CPAMD8: variants seen among roughly 807,000 people sequenced by gnomAD.
The protein encoded by CPAMD8 is C3 and PZP-like alpha-2-macroglobulin domain-containing protein 8.
Under a neutral mutation model 224.7 loss-of-function variants are expected in CPAMD8, and 146 were observed. That is an observed-to-expected ratio of 0.65 (90% CI 0.57 to 0.75). The LOEUF (loss-of-function observed/expected upper bound fraction) is 0.75. Ranked by LOEUF, CPAMD8 falls within the 30% of genes least tolerant of loss-of-function variation. The pLI, the probability that CPAMD8 is intolerant of heterozygous loss-of-function variation, is 0.00. For missense variants in CPAMD8, 2,301 were observed against 2,537.5 expected, an observed-to-expected ratio of 0.91 and a Z score of 2.00; for synonymous variants, 966 against 1,044.6, an observed-to-expected ratio of 0.92 and a Z score of 1.45.
At chr19:16,971,543 C>G (rs1485403383) in intron 17 of CPAMD8, among the ~76,000 whole-genome samples, 2 of 152,050 alleles carry the variant, frequency 1.3e-5, no homozygotes, top group African/African-American at 4.8e-5. Context: ...ACAGGCAAAT[C>G]CATAGAGACA....
At chr19:16,991,572 G>A (rs1203096429) in intron 12 of CPAMD8, among the ~76,000 whole-genome samples, 1 of 152,006 alleles carries the variant, frequency 6.6e-6, no homozygotes, top group Non-Finnish European at 1.5e-5. Context: ...ACAGGACAGT[G>A]GGCCGGGTAC....
intron 19 of CPAMD8, among the ~76,000 whole-genome samples, chr19:16,955,034 A>C (rs946379567): frequency 1.3e-5 from 2 of 152,226 alleles, no homozygotes; most frequent in African/African-American, 4.8e-5. Flanking sequence ...AGGCTGAGGC[A>C]GGAGAATGGC....
At chr19:16,916,145 C>T (rs2052949396) in intron 27 of CPAMD8, among the ~76,000 whole-genome samples, 1 of 152,074 alleles carries the variant, frequency 6.6e-6, no homozygotes, top group African/African-American at 2.4e-5. Flanking sequence ...TCCCAAGTAG[C>T]TGGGACTACA....
At chr19:16,922,007 A>C (rs2053193586) in intron 26 of CPAMD8, 21 bp from the exon 27 acceptor site, 2 of 1,533,246 alleles carry the variant, frequency 1.3e-6, no homozygotes, top group Non-Finnish European at 1.8e-6. Context: ...AGCAGAGAGG[A>C]CCCTGTCCTG....
intron 3 of CPAMD8, among the ~76,000 whole-genome samples, chr19:17,017,259 G>A (rs766938246): frequency 6.6e-6 from 1 of 152,160 alleles, no homozygotes; most frequent in Non-Finnish European, 1.5e-5. Flanking sequence ...CTAGTTGAAG[G>A]AAAACAAGCT....
At chr19:16,962,847 G>A (rs2054701944) in intron 18 of CPAMD8, among the ~76,000 whole-genome samples, 1 of 152,150 alleles carries the variant, frequency 6.6e-6, no homozygotes, top group Non-Finnish European at 1.5e-5. Context: ...AGATCTCTTG[G>A]CAGAAACCCT....
At chr19:17,000,178 C>G in intron 10 of CPAMD8, 1 of 399,680 alleles carries the variant, frequency 2.5e-6, no homozygotes, top group Non-Finnish European at 4.4e-6. Flanking sequence ...GAAAGTAAAA[C>G]AGCGGTGGCT....
intron 29 of CPAMD8, chr19:16,907,803 C>T (rs1020005851): frequency 6.6e-6 from 1 of 152,182 alleles, no homozygotes; most frequent in Non-Finnish European, 1.5e-5. Flanking sequence ...GATGGAGTCT[C>T]ACTATGTTGC....
chr19:17,002,910 C>CTT lies in CPAMD8; in HGVS notation c.674-562_674-561dup, dbSNP rs34659000. On this transcript the variant is annotated intron_variant, in intron 8 of 41. Transcript: ENST00000443236. ...TCTTTCTTTTCTTTTCTTTTCTTTTCTTTTTTTTTTTGAGACAGATTGTCA... is the reference window on the plus strand; with the variant it reads ...TCTTTCTTTTCTTTTCTTTTCTTTTCTTTTTTTTTTTTTGAGACAGATTGTCA... 9.1e-4 allele frequency among the ~76,000 whole-genome samples: 122 copies of CTT among 134,504 alleles called. 2 individuals carry two copies. The highest frequency in any genetic ancestry group is 3.0e-3 in the African/African-American group (106 of 34,764). 88.2% of individuals were successfully genotyped at this position (134,504 alleles called of 152,430 possible).
intron 22 of CPAMD8, among the ~76,000 whole-genome samples, chr19:16,944,861 T>C (rs1036390948): frequency 6.6e-6 from 1 of 150,766 alleles, no homozygotes; most frequent in African/African-American, 2.5e-5. Context: ...CTCTGGGGAA[T>C]GTGAGTCCCT....
intron 16 of CPAMD8, 49 bp from the exon 17 acceptor site, chr19:16,975,307 A>AC: frequency 1.3e-6 from 2 of 1,513,736 alleles, no homozygotes; most frequent in Non-Finnish European, 9.0e-7. Flanking sequence ...TTTCTTTACA[A>AC]CCCAAACTGG....
intron 22 of CPAMD8, among the ~76,000 whole-genome samples, chr19:16,942,254 G>A (rs901073963): frequency 2.0e-5 from 3 of 152,096 alleles, no homozygotes; most frequent in Admixed American, 1.3e-4. Context: ...CTGAGGTCAG[G>A]CGTTCAAGAC....
In CPAMD8 at chr19:16,898,526, G is replaced by A. The variant is rs2052124090; in HGVS notation, c.4849-532C>T. ...TGTGGGTGGGAGTCAGCACATTCAC[G>A]ATACTGTGCAATCATCACCTCTGTC... is the stretch of plus-strand genomic sequence containing the variant. On this transcript the variant is annotated intron_variant, in intron 37 of 41. Coordinates refer to ENST00000443236, the MANE Select transcript of CPAMD8 (RefSeq NM_015692.5). The surrounding 1 kb of genome is among the most constrained non-coding windows in gnomAD (Gnocchi z 4.2). Among the ~76,000 whole-genome samples the A allele has an allele frequency of 6.6e-6, 1 of 152,034 alleles. No homozygotes were observed. The highest frequency in any genetic ancestry group is 2.1e-4 in the South Asian group (1 of 4,828).
At chr19:16,936,190 A>C (rs1172427018) in intron 23 of CPAMD8, among the ~76,000 whole-genome samples, 1 of 152,160 alleles carries the variant, frequency 6.6e-6, no homozygotes, top group Non-Finnish European at 1.5e-5. Context: ...GGCCTCTCAA[A>C]GTGCTGGGAT....
rs527933498 is a variant in CPAMD8 at position 16,997,119 on chromosome 19, C to T, written c.1087G>A (p.Val363Met). The change falls in exon 11 of 42, where the codon GTG becomes ATG. Residue 363 changes from valine to methionine, a missense_variant. Physicochemically the swap from Val to Met is conservative, Grantham distance 21. This residue lies in a region of CPAMD8 where 301 missense variants were observed against 406.6 expected (regional missense o/e 0.74). Transcript: ENST00000443236. ...RKQFKPGLAY[V>M]GKVELSYPDG... ...AGTCACCCCCAAGTTACCTTCCCCA[C>T]GTAGGCCAGGCCCGGCTTGAACTGC... The T allele has an allele frequency of 1.6e-5, 26 of 1,605,598 alleles. 1 individual carries two copies. The highest frequency in any genetic ancestry group is 7.7e-5 in the South Asian group (7 of 90,874).
In CPAMD8 at chr19:16,904,339, T is replaced by C. The variant is rs1270421089; in HGVS notation, c.4138A>G (p.Thr1380Ala). 1 of 1,613,492 alleles carries C rather than the reference T, an allele frequency of 6.2e-7. No homozygotes were observed. The highest frequency in any genetic ancestry group is 1.7e-5 in the Admixed American group (1 of 59,984). Reference protein sequence around the residue: ...QSVVSAEVEMTAYALLTYTLL... With the variant: ...QSVVSAEVEMAAYALLTYTLL... ...GTGTAGGTCAGAAGGGCGTAGGCTG[T>C]CATTTCCACCTCGGCCGAGACCACT... Residue 1380 changes from threonine (T) to alanine (A), a missense_variant, in exon 32 of 42, where the codon ACA (threonine) becomes GCA (alanine). Around this residue, in one of 4 missense-constraint regions of CPAMD8, gnomAD observed 1,709 missense variants for 1,753.2 expected, o/e 0.97. Transcript: ENST00000443236.
chr19:17,008,398 AG>A, intron 7 of CPAMD8, 106 bp downstream of exon 7: 4 of 1,360,904 alleles, frequency 2.9e-6, no homozygotes, highest in Non-Finnish European at 4.1e-6. Context: ...CTCCAGCTGG[AG>A]CAGCAGTGGG....
chr19:16,906,767 T>C (rs569415097), intron 30 of CPAMD8, among the ~76,000 whole-genome samples, 185 bp downstream of exon 30: 4 of 152,104 alleles, frequency 2.6e-5, no homozygotes, highest in Non-Finnish European at 5.9e-5. Context: ...TGGAGTGCAA[T>C]GGCGCGATCT....
chr19:16,913,584 T>C (rs180705167), intron 29 of CPAMD8, among the ~76,000 whole-genome samples: 1 of 152,252 alleles, frequency 6.6e-6, no homozygotes, highest in African/African-American at 2.4e-5. Context: ...TGCCTATTGT[T>C]GAAGCCACTT....
Sources: allele counts gnomAD v4.1 joint callset (sites outside exome capture counted in the v4.1 genomes callset), GRCh38; gene constraint gnomAD v4.1.1; regional missense constraint gnomAD v4.1.1; non-coding constraint Gnocchi (gnomAD v3.1); transcripts MANE v1.5; gene names NCBI Gene and HGNC (gene_info 2026-07-23, HGNC 2026-07-21).